TTN: variants seen among roughly 807,000 people sequenced by gnomAD.
TTN encodes titin, also known as connectin.
A neutral mutation model predicts 3,223.0 loss-of-function variants in TTN; 1,525 were observed. That is an observed-to-expected ratio of 0.47 (90% CI 0.45 to 0.49). The LOEUF is 0.49. Ranked by LOEUF, TTN falls within the 20% of genes least tolerant of loss-of-function variation. TTN has a pLI of 0.00. For missense variants in TTN, 40,786 were observed against 43,424.0 expected, an observed-to-expected ratio of 0.94 and a Z score of 5.40; for synonymous variants, 14,094 against 15,161.0, an observed-to-expected ratio of 0.93 and a Z score of 5.17.
Position 178,556,929 on chromosome 2 carries a change from G to A in TTN, c.88225C>T (p.Arg29409Cys), listed in dbSNP as rs756724511. Residue 29409 changes from arginine (R) to cysteine (C), a missense_variant, in exon 330 of 363, where the codon CGT (arginine) becomes TGT (cysteine). Arg to Cys is a radical substitution (Grantham distance 180, BLOSUM62 -3). Coordinates refer to ENST00000589042, the MANE Select transcript of TTN (RefSeq NM_001267550.2). The part of the protein sequence containing the change: ...GLTQNSQYEF[R>C]VFARNAVGSI... Reference sequence around the variant, plus strand: ...CCAACAGCATTCCTAGCAAAGACACGGAATTCATACTGGGAATTCTGAGTC... The same window carrying A: ...CCAACAGCATTCCTAGCAAAGACACAGAATTCATACTGGGAATTCTGAGTC... The A allele has an allele frequency of 2.3e-5, 37 of 1,613,688 alleles. No individual in the cohort carries two copies. Among genetic ancestry groups the A allele is most frequent in the African/African-American group, 2.7e-5 (2 of 74,900 alleles).
At position 178,635,088 on chromosome 2, in the gene TTN, G is replaced by A. The variant is rs761067611; in HGVS notation, c.42024+77C>T. 3.2e-5 allele frequency: 50 copies of A among 1,569,440 alleles called. 2 individuals are homozygous for A. Among genetic ancestry groups the A allele is most frequent in the South Asian group, 2.8e-4 (24 of 84,822 alleles). ...AACTCCATTATTATTAAAGCAACCC[G>A]AATCTAGGATATAGATCCTGAATAT... On this transcript the variant is annotated intron_variant, in intron 228 of 362. Transcript: ENST00000589042.
chr2:178,721,991 C>T lies in TTN; in HGVS notation c.22672G>A (p.Gly7558Arg). The change falls in exon 78 of 363, where the codon GGA becomes AGA. Residue 7558 changes from glycine to arginine, a missense_variant. Gly to Arg is a moderately radical substitution (Grantham distance 125). Transcript: ENST00000589042. Reference protein sequence around the residue: ...WSKDNKEIRPGGNYTITCVGN... With the variant: ...WSKDNKEIRPRGNYTITCVGN... ...ACACATGTGATTGTATAGTTTCCTC[C>T]AGGACGGATCTCCTTGTTATCTTTT... 1 of 1,613,544 alleles carries T rather than the reference C, an allele frequency of 6.2e-7. No individual in the cohort carries two copies. The highest frequency in any genetic ancestry group is 8.5e-7 in the Non-Finnish European group (1 of 1,179,592).
chr2:178,764,316 C>G lies in TTN; in HGVS notation c.9989-14G>C, dbSNP rs757352738. The stretch of plus-strand genomic sequence containing the variant: ...CAACTTCTGGAACTAAAGAAAGAAA[C>G]CACAAGATTTGTCATGATTAAGTCA... On this transcript the variant is annotated splice_polypyrimidine_tract_variant and intron_variant, in intron 42 of 362. Coordinates refer to ENST00000589042, the MANE Select transcript of TTN (RefSeq NM_001267550.2). 2 of 1,613,488 alleles carry G rather than the reference C, an allele frequency of 1.2e-6. No individual in the cohort carries two copies. Among genetic ancestry groups the G allele is most frequent in the African/African-American group, 1.3e-5 (1 of 74,902 alleles).
intron 71 of TTN, chr2:178,724,957 A>G (rs1219851449): frequency 5.2e-6 from 1 of 193,632 alleles, no homozygotes; most frequent in African/African-American, 2.3e-5. Flanking sequence ...TGCTAAAGAC[A>G]ATTCTTTGAA....
At chr2:178,797,875 T>C (rs907766462) in intron 6 of TTN, among the ~76,000 whole-genome samples, 10 of 150,984 alleles carry the variant, frequency 6.6e-5, no homozygotes, top group Admixed American at 5.9e-4. Flanking sequence ...TTGTCTTCTC[T>C]TTTTTTTTCA....
At chr2:178,720,742 G>A (rs2078230176) in intron 79 of TTN, 79 bp from the exon 80 acceptor site, 1 of 1,433,940 alleles carries the variant, frequency 7.0e-7, no homozygotes, top group East Asian at 2.4e-5. Flanking sequence ...GAACCTTGAA[G>A]AGTGACTGGT....
intron 21 of TTN, among the ~76,000 whole-genome samples, 181 bp downstream of exon 21, chr2:178,780,940 A>C (rs1277407691): frequency 6.6e-6 from 1 of 152,234 alleles, no homozygotes; most frequent in African/African-American, 2.4e-5. Context: ...CAGAAGTTTA[A>C]TGACAGTATA....
In TTN at chr2:178,532,118, C is replaced by T; in HGVS notation, c.104497G>A (p.Ala34833Thr). 2 of 1,613,972 alleles carry T rather than the reference C, an allele frequency of 1.2e-6. No homozygotes were observed. Among genetic ancestry groups the T allele is most frequent in the Non-Finnish European group, 1.7e-6 (2 of 1,179,876 alleles). ...KHAQRESSSS[A>T]SRLLRRRRSL... ...CGCCGTCGTCTCAGTAGTCTAGACG[C>T]AGATGAGGATGATTCTCTTTGAGCA... Residue 34833 changes from alanine to threonine, a missense_variant, in exon 358 of 363, where the codon GCG becomes ACG. Physicochemically the swap from Ala to Thr is moderately conservative, Grantham distance 58 (BLOSUM62 0). Coordinates refer to ENST00000589042, the MANE Select transcript of TTN (RefSeq NM_001267550.2).
intron 88 of TTN, among the ~76,000 whole-genome samples, chr2:178,716,563 T>A (rs1020471853): frequency 6.6e-6 from 1 of 152,190 alleles, no homozygotes; most frequent in Non-Finnish European, 1.5e-5. Flanking sequence ...AACACATGAC[T>A]GCCTTCCATA....
In TTN at chr2:178,605,563, C is replaced by A. The variant is rs1576339919; in HGVS notation, c.53732G>T (p.Arg17911Ile). Residue 17911 changes from arginine to isoleucine, a missense_variant, in exon 279 of 363, where the codon AGA (arginine) becomes ATA (isoleucine). Coordinates refer to ENST00000589042, the MANE Select transcript of TTN (RefSeq NM_001267550.2). ...GGTTGGGCAGAGTCGCTTGTTAACT[C>A]TTTCAAAGTCAGGTTTGTCATGACG... ...KRRHDKPDFE[R>I]VNKRLCPTTS... 6.2e-7 allele frequency: 1 copy of A among 1,608,084 alleles called. No individual in the cohort carries two copies. The highest frequency in any genetic ancestry group is 1.3e-5 in the African/African-American group (1 of 74,688).
At chr2:178,651,794 AACAAG>A (rs763704302) in intron 205 of TTN, 45 bp from the exon 206 acceptor site, 3 of 1,607,546 alleles carry the variant, frequency 1.9e-6, no homozygotes, top group Middle Eastern at 1.7e-4. Flanking sequence ...AAGATTGAGA[AACAAG>A]ACAAAAGCTC....
chr2:178,583,206 C>T lies in TTN; in HGVS notation c.65597G>A (p.Ser21866Asn), dbSNP rs2048167359. The T allele has an allele frequency of 3.7e-6, 6 of 1,606,422 alleles. No homozygotes were observed. The highest frequency in any genetic ancestry group is 5.1e-6 in the Non-Finnish European group (6 of 1,175,464). The change falls in exon 313 of 363, where the codon AGT (serine) becomes AAT (asparagine). Residue 21866 changes from serine to asparagine, a missense_variant. Physicochemically the swap from Ser to Asn is conservative, Grantham distance 46 (BLOSUM62 1). Transcript: ENST00000589042. ...AGTAAGCAAAGATTTCATAGCCACACTCAGGTCTATCCTGGGAGGGACTGG... is the reference window on the plus strand; with the variant it reads ...AGTAAGCAAAGATTTCATAGCCACATTCAGGTCTATCCTGGGAGGGACTGG... ...AENVPPRIDL[S>N]VAMKSLLTVK...
chr2:178,680,466 A>C, intron 138 of TTN, 135 bp from the exon 139 acceptor site: 1 of 752,798 alleles, frequency 1.3e-6, no homozygotes, highest in East Asian at 2.5e-5. Flanking sequence ...TTCATCTTTA[A>C]GAAACTATAT....
rs763752622 is a variant in TTN, at chr2:178,530,348, C to A, written c.106267G>T (p.Val35423Phe). ...ACAGTTGTATCCTGCAACCCAGTAA[C>A]AATTACTGGTTTTGAGGAAATTGGT... Reference protein sequence around the residue: ...PEPISSKPVIVTGLQDTTVSS... With the variant: ...PEPISSKPVIFTGLQDTTVSS... The change falls in exon 358 of 363, where the codon GTT becomes TTT. Residue 35423 changes from valine to phenylalanine, a missense_variant. By Grantham distance (50) the Val-to-Phe change is conservative. Transcript: ENST00000589042. The A allele has an allele frequency of 9.3e-6, 15 of 1,613,804 alleles. No individual in the cohort carries two copies. Among genetic ancestry groups the A allele is most frequent in the African/African-American group, 4.0e-5 (3 of 74,930 alleles).
intron 135 of TTN, among the ~76,000 whole-genome samples, chr2:178,682,457 G>T (rs1311340045): frequency 6.6e-6 from 1 of 151,914 alleles, no homozygotes; most frequent in Non-Finnish European, 1.5e-5. Flanking sequence ...AAAAATGAGG[G>T]GGGTATTAGA....
chr2:178,724,300 A>G lies in TTN; in HGVS notation c.21075T>C (p.Asn7025=), dbSNP rs1465136878. The part of the protein sequence containing the change: ...AGTYTFQVQN[N]VGKSSCTAVV... ...CAGCTGTGCAGCTGCTTTTCCCAAC[A>G]TTATTTTGAACCTGGAAAGTGTATG... The change falls in exon 72 of 363, where the codon AAT becomes AAC. Residue 7025 remains asparagine, a synonymous_variant. Transcript: ENST00000589042. 2 of 1,613,438 alleles carry G rather than the reference A, an allele frequency of 1.2e-6. No homozygotes were observed. The highest frequency in any genetic ancestry group is 1.7e-6 in the Non-Finnish European group (2 of 1,179,588).
Position 178,685,314 on chromosome 2 carries a change from C to T in TTN, c.32409G>A (p.Glu10803=). Residue 10803 remains glutamate, a synonymous_variant, in exon 129 of 363, where the codon GAG becomes GAA. Transcript: ENST00000589042. ...TTTTTGGTTTCAGTACAATTTTCTT[C>T]TCCTGCCTCTCTGTCACTTGAAAAG... ...AEPAEVTERQ[E]KKIVLKPKIP... The T allele has an allele frequency of 6.4e-7, 1 of 1,551,408 alleles. No individual in the cohort carries two copies. The highest frequency in any genetic ancestry group is 2.4e-5 in the East Asian group (1 of 41,182).
At chr2:178,585,441 C>T in intron 308 of TTN, 94 bp from the exon 309 acceptor site, 1 of 1,378,860 alleles carries the variant, frequency 7.3e-7, no homozygotes, top group East Asian at 2.3e-5. Context: ...CTTGTATTAC[C>T]ACCAATTTTT....
At chr2:178,791,453 T>C (rs2093487575) in intron 10 of TTN, among the ~76,000 whole-genome samples, 1 of 152,178 alleles carries the variant, frequency 6.6e-6, no homozygotes, top group Admixed American at 6.5e-5. Flanking sequence ...TGATTTCACA[T>C]ACGGGAGAGA....
Sources: allele counts gnomAD v4.1 joint callset (sites outside exome capture counted in the v4.1 genomes callset), GRCh38; gene constraint gnomAD v4.1.1; transcripts MANE v1.5; gene names NCBI Gene and HGNC (gene_info 2026-07-23, HGNC 2026-07-21).